ECT2: variants seen among roughly 807,000 people sequenced by gnomAD.
ECT2 encodes epithelial cell transforming 2.
A neutral mutation model predicts 116.9 loss-of-function variants in ECT2; 61 were observed. The observed-to-expected ratio is 0.52, with a 90% CI of 0.42 to 0.65. The LOEUF (loss-of-function observed/expected upper bound fraction) is 0.65. Ranked by LOEUF, ECT2 falls within the 30% of genes least tolerant of loss-of-function variation. The pLI is 0.00. For synonymous variants in ECT2, 358 were observed against 346.4 expected (o/e 1.03, Z -0.37); for missense variants, 937 against 1,078.7 (o/e 0.87, Z 1.84).
At position 172,769,139 on chromosome 3, in the gene ECT2, T is replaced by C; in HGVS notation, c.1424T>C (p.Ile475Thr). The C allele has an allele frequency of 6.2e-7, 1 of 1,610,892 alleles. No individual in the cohort carries two copies. Residue 475 changes from isoleucine (I) to threonine (T), a missense_variant, in exon 13 of 25, where the codon ATT (isoleucine) becomes ACT (threonine). Ile to Thr is a moderately conservative substitution (Grantham distance 89). Coordinates refer to ENST00000392692, the MANE Select transcript of ECT2 (RefSeq NM_001258315.2). ...SNYVNILATI[I>T]QLFQVPLEEE... ...TATGTTAATATATTGGCAACAATTA[T>C]TCAGGTAAGTATGAGTTTGATTGAA...
At chr3:172,774,569 A>T (rs1721306659) in intron 14 of ECT2, among the ~76,000 whole-genome samples, 1 of 152,004 alleles carries the variant, frequency 6.6e-6, no homozygotes, top group Admixed American at 6.6e-5. Context: ...GACTTACTGC[A>T]ACCTTGACCT....
At chr3:172,776,276 T>C (rs1721721275) in intron 14 of ECT2, among the ~76,000 whole-genome samples, 1 of 151,424 alleles carries the variant, frequency 6.6e-6, no homozygotes, top group African/African-American at 2.4e-5. Flanking sequence ...ACTATTTGTT[T>C]TTTTTAGCTG....
chr3:172,768,836 C>T (rs532102914), intron 12 of ECT2, among the ~76,000 whole-genome samples, 171 bp from the exon 13 acceptor site: 9 of 152,114 alleles, frequency 5.9e-5, no homozygotes, highest in East Asian at 1.9e-4. Context: ...TATTTTTGAC[C>T]GTTATTTTTT....
At chr3:172,812,071 A>G (rs62281239) in intron 22 of ECT2, among the ~76,000 whole-genome samples, 15,509 of 149,444 alleles carry the variant, frequency 0.1, 1,033 homozygotes, top group Non-Finnish European at 0.15. Context: ...TACAACCTCT[A>G]CCTCTGGGTT....
At position 172,760,158 on chromosome 3, in the gene ECT2, C is replaced by T. The variant is rs751614618; in HGVS notation, c.579C>T (p.Val193=). The T allele has an allele frequency of 6.3e-6, 10 of 1,593,894 alleles. 1 individual carries two copies. The South Asian group carries it at 1.1e-4, about 18-fold the overall frequency. Residue 193 remains valine, a splice_region_variant and synonymous_variant, in exon 7 of 25, where the codon GTC becomes GTT. Transcript: ENST00000392692. The stretch of plus-strand genomic sequence containing the variant: ...TGTTGCTTAATTTTTCTTTTGAGGT[C>T]AGGTTGGTGACATTGGTCCATCACA... ...FTGFRKKEEL[V]RLVTLVHHMG... is the part of the protein sequence containing the mutation.
intron 18 of ECT2, among the ~76,000 whole-genome samples, chr3:172,794,320 T>C (rs1490725213): frequency 6.6e-6 from 1 of 152,212 alleles, no homozygotes; most frequent in African/African-American, 2.4e-5. Context: ...TTTTAAAATA[T>C]GGAAATCTAT....
At chr3:172,808,072 T>C (rs1337344851) in intron 22 of ECT2, 148 bp downstream of exon 22, 2 of 806,780 alleles carry the variant, frequency 2.5e-6, no homozygotes, top group Middle Eastern at 3.7e-4. Flanking sequence ...ATAAGTTGTT[T>C]TAGAAAATAT....
chr3:172,799,795 G>A (rs1726386613), intron 18 of ECT2, among the ~76,000 whole-genome samples: 1 of 152,058 alleles, frequency 6.6e-6, no homozygotes, highest in Non-Finnish European at 1.5e-5. Flanking sequence ...ATTATTTTTT[G>A]TGTTATGATT....
chr3:172,788,887 G>A (rs917665575), intron 18 of ECT2, among the ~76,000 whole-genome samples: 1 of 151,910 alleles, frequency 6.6e-6, no homozygotes, highest in Non-Finnish European at 1.5e-5. Context: ...GTGAAACCTC[G>A]TCTCTACTAA....
intron 5 of ECT2, among the ~76,000 whole-genome samples, chr3:172,758,468 T>TACACGC (rs1717512547): frequency 6.6e-6 from 1 of 150,898 alleles, no homozygotes; most frequent in Middle Eastern, 3.2e-3. Flanking sequence ...TTCTCTTTTA[T>TACACGC]ACACACACAC....
chr3:172,817,103 T>C (rs1275275596), intron 24 of ECT2, among the ~76,000 whole-genome samples: 2 of 152,100 alleles, frequency 1.3e-5, no homozygotes, highest in African/African-American at 2.4e-5. Context: ...AGACTGGCTG[T>C]GTTTCAGGGG....
intron 18 of ECT2, among the ~76,000 whole-genome samples, chr3:172,797,204 AT>A (rs35016664): frequency 6.8e-4 from 99 of 145,640 alleles, no homozygotes; most frequent in African/African-American, 7.9e-4. Flanking sequence ...TAATTTTTGT[AT>A]TTTTTTTTTT....
At chr3:172,808,963 CA>C (rs1428382724) in intron 22 of ECT2, among the ~76,000 whole-genome samples, 4 of 151,866 alleles carry the variant, frequency 2.6e-5, no homozygotes, top group African/African-American at 4.8e-5. Flanking sequence ...AATTGTTGCA[CA>C]AAAGATTCAG....
Position 172,760,241 on chromosome 3 carries a change from G to A in ECT2, c.662G>A (p.Cys221Tyr), listed in dbSNP as rs1234939808. The change falls in exon 7 of 25, where the codon TGT (cysteine) becomes TAT (tyrosine). Residue 221 changes from cysteine (C) to tyrosine (Y), a missense_variant. Physicochemically the swap from Cys to Tyr is radical, Grantham distance 194. Transcript: ENST00000392692. ...NSKVTHLVAN[C>Y]TQGEKFRVAV... The stretch of plus-strand genomic sequence containing the variant: ...AAAGTTACACATTTGGTGGCAAATT[G>A]TACACAAGGAGAAAAATTCAGGGTA... The A allele has an allele frequency of 6.2e-7, 1 of 1,610,362 alleles. No individual in the cohort carries two copies. Among genetic ancestry groups the A allele is most frequent in the East Asian group, 2.2e-5 (1 of 44,592 alleles).
Position 172,769,109 on chromosome 3 carries a change from G to A in ECT2, c.1394G>A (p.Ser465Asn). ...GCAAAAGAGCTTTATCAAACTGAAA[G>A]TAATTATGTTAATATATTGGCAACA... ...QVAKELYQTESNYVNILATII... is the reference protein window; with the variant it reads ...QVAKELYQTENNYVNILATII... Residue 465 changes from serine to asparagine, a missense_variant, in exon 13 of 25, where the codon AGT (serine) becomes AAT (asparagine). Ser to Asn is a conservative substitution (Grantham distance 46). Coordinates refer to ENST00000392692, the MANE Select transcript of ECT2 (RefSeq NM_001258315.2). 5 of 1,613,074 alleles carry A rather than the reference G, an allele frequency of 3.1e-6. No homozygotes were observed. The highest frequency in any genetic ancestry group is 3.3e-4 in the Middle Eastern group (2 of 6,058).
At chr3:172,774,387 A>G (rs768033322) in intron 14 of ECT2, among the ~76,000 whole-genome samples, 21 of 151,694 alleles carry the variant, frequency 1.4e-4, no homozygotes, top group Non-Finnish European at 2.6e-4. Flanking sequence ...TTTTGTAGAG[A>G]TGGGTTTTGT....
chr3:172,764,408 C>T lies in ECT2; in HGVS notation c.1199C>T (p.Pro400Leu). ...LSRETDVSPF[P>L]PRKRPSAEHS... Reference sequence around the variant, plus strand: ...AGAGAGACAGACGTGTCACCATTTCCACCCCGTAAGCGCCCATCAGCTGAG... The same window carrying T: ...AGAGAGACAGACGTGTCACCATTTCTACCCCGTAAGCGCCCATCAGCTGAG... Residue 400 changes from proline to leucine, a missense_variant, in exon 12 of 25, where the codon CCA becomes CTA. Transcript: ENST00000392692. 1 of 1,614,148 alleles carries T rather than the reference C, an allele frequency of 6.2e-7. No individual in the cohort carries two copies. Among genetic ancestry groups the T allele is most frequent in the Non-Finnish European group, 8.5e-7 (1 of 1,179,994 alleles).
At chr3:172,817,281 A>T (rs1422131253) in intron 24 of ECT2, among the ~76,000 whole-genome samples, 1 of 152,114 alleles carries the variant, frequency 6.6e-6, no homozygotes, top group Admixed American at 6.6e-5. Flanking sequence ...ATTTATATCC[A>T]AACCTCTAAC....
chr3:172,758,125 G>T (rs1463156742), intron 5 of ECT2, among the ~76,000 whole-genome samples: 2 of 151,984 alleles, frequency 1.3e-5, no homozygotes, highest in East Asian at 3.9e-4. Context: ...CTCCCAAAGT[G>T]TTGAGATTAC....
Sources: allele counts gnomAD v4.1 joint callset (sites outside exome capture counted in the v4.1 genomes callset), GRCh38; gene constraint gnomAD v4.1.1; transcripts MANE v1.5; gene names NCBI Gene and HGNC (gene_info 2026-07-23, HGNC 2026-07-21).